COL5A3: variants seen among roughly 807,000 people sequenced by gnomAD.
COL5A3 encodes the protein collagen alpha-3(V) chain.
COL5A3 carries 172 observed loss-of-function variants against 250.0 expected under a neutral mutation model. That is an observed-to-expected ratio of 0.69 (90% CI 0.61 to 0.78). The LOEUF (loss-of-function observed/expected upper bound fraction) is 0.78. Among genes scored for constraint, COL5A3 ranks in the 30% least tolerant of loss-of-function variants. COL5A3 has a pLI of 0.00. For synonymous variants in COL5A3, 937 were observed against 900.4 expected, an observed-to-expected ratio of 1.04 and a Z score of -0.73; for missense variants, 2,340 against 2,334.4, an observed-to-expected ratio of 1.00 and a Z score of -0.05.
intron 8 of COL5A3, among the ~76,000 whole-genome samples, chr19:10,000,017 C>T (rs1278355202): frequency 6.6e-6 from 1 of 152,132 alleles, no homozygotes; most frequent in Non-Finnish European, 1.5e-5. Flanking sequence ...CTCAACCTAC[C>T]AAATTGCTGA....
At chr19:9,965,451 C>A (rs931704526) in intron 64 of COL5A3, among the ~76,000 whole-genome samples, 10 of 145,806 alleles carry the variant, frequency 6.9e-5, no homozygotes, top group Admixed American at 3.5e-4. Context: ...CCACCGCGCC[C>A]GGCCTTCTTT....
chr19:9,962,367 C>A (rs951038057), intron 65 of COL5A3, among the ~76,000 whole-genome samples: 1 of 152,178 alleles, frequency 6.6e-6, no homozygotes, highest in Non-Finnish European at 1.5e-5. Context: ...CTTGGCCTCC[C>A]AAAGTGCTGG....
intron 24 of COL5A3, among the ~76,000 whole-genome samples, chr19:9,990,057 GGCAGACACACTTCTGT>G (rs879904936): frequency 0.1 from 6,921 of 66,810 alleles, 191 homozygotes; most frequent in African/African-American, 0.19. Flanking sequence ...CGCCTTCCCT[GGCAGACACACTTCTGT>G]GTGATAATTT....
In COL5A3 at chr19:9,996,635, C is replaced by A; in HGVS notation, c.1318G>T (p.Gly440Cys). Residue 440 changes from glycine (G) to cysteine (C), a missense_variant, in exon 12 of 67, where the codon GGC becomes TGC. By Grantham distance (159) the Gly-to-Cys change is radical. Transcript: ENST00000264828. ...CTTACCGGCATCATGATCACAGTGC[C>A]CGGTGGGCCTCGGATCCCATCAATG... ...PGIDGIRGPP[G>C]TVIMMPFQFA... The A allele has an allele frequency of 6.2e-7, 1 of 1,613,486 alleles. No homozygotes were observed. The highest frequency in any genetic ancestry group is 8.5e-7 in the Non-Finnish European group (1 of 1,179,818).
intron 31 of COL5A3, among the ~76,000 whole-genome samples, chr19:9,983,930 T>G (rs1330972543): frequency 2.0e-5 from 3 of 150,282 alleles, no homozygotes; most frequent in Non-Finnish European, 4.4e-5. Flanking sequence ...AAAAAACCAC[T>G]GTCAAATCCA....
chr19:9,985,432 G>T (rs541719579), intron 31 of COL5A3, among the ~76,000 whole-genome samples: 1 of 149,404 alleles, frequency 6.7e-6, no homozygotes, highest in Non-Finnish European at 1.5e-5. Context: ...AGCTAATTTT[G>T]TATTTTTAGT....
At position 9,974,220 on chromosome 19, in the gene COL5A3, A is replaced by T. The variant is rs371248929; in HGVS notation, c.3455T>A (p.Leu1152Gln). 2 of 1,613,774 alleles carry T rather than the reference A, an allele frequency of 1.2e-6. No homozygotes were observed. Among genetic ancestry groups the T allele is most frequent in the East Asian group, 2.2e-5 (1 of 44,888 alleles). The change falls in exon 47 of 67, where the codon CTG (leucine) becomes CAG (glutamine). Residue 1152 changes from leucine to glutamine, a missense_variant. By Grantham distance (113) the Leu-to-Gln change is moderately radical (BLOSUM62 -2). Transcript: ENST00000264828. ...GVIGPPGLQGLPGPPGEKGEV... is the reference protein window; with the variant it reads ...GVIGPPGLQGQPGPPGEKGEV... ...CCCTTTCTCTCCCGGAGGGCCTGGC[A>T]GCCCCTGTGGAACAAAGAAGCAAGA...
intron 41 of COL5A3, among the ~76,000 whole-genome samples, chr19:9,978,125 T>C (rs1309331205): frequency 1.3e-5 from 2 of 151,684 alleles, no homozygotes; most frequent in Non-Finnish European, 2.9e-5. Flanking sequence ...GGGGTTTTTA[T>C]ATGTTGATGG....
intron 64 of COL5A3, among the ~76,000 whole-genome samples, chr19:9,964,170 C>T (rs2086707745): frequency 6.6e-6 from 1 of 151,846 alleles, no homozygotes; most frequent in Non-Finnish European, 1.5e-5. Context: ...GAGACTATGT[C>T]TCAAAAGAAC....
intron 65 of COL5A3, among the ~76,000 whole-genome samples, chr19:9,961,338 T>TTTTTTTTTACTTTATTTAA (rs1568399900): frequency 6.7e-6 from 1 of 148,496 alleles, no homozygotes; most frequent in Non-Finnish European, 1.5e-5. Flanking sequence ...GAAGGAGGGA[T>TTTTTTTTTACTTTATTTAA]TTTTTTTTAC....
intron 24 of COL5A3, among the ~76,000 whole-genome samples, chr19:9,990,253 G>A (rs906329737): frequency 4.6e-5 from 7 of 151,620 alleles, no homozygotes; most frequent in Admixed American, 2.0e-4. Flanking sequence ...AATTAGCTGG[G>A]CGTAGTGGTG....
At chr19:9,993,568 T>G in intron 18 of COL5A3, 51 bp downstream of exon 18, 2 of 1,601,564 alleles carry the variant, frequency 1.2e-6, no homozygotes, top group Non-Finnish European at 1.7e-6. Flanking sequence ...TGGGGGGGCT[T>G]GAATATTGGG....
At chr19:9,971,151 A>C in intron 52 of COL5A3, 54 bp downstream of exon 52, 1 of 1,440,084 alleles carries the variant, frequency 6.9e-7, no homozygotes. Flanking sequence ...GGGGGTAGGG[A>C]GATGGGGACA....
At chr19:9,970,917 T>A in intron 53 of COL5A3, 58 bp downstream of exon 53, 3 of 1,189,728 alleles carry the variant, frequency 2.5e-6, no homozygotes, top group Non-Finnish European at 3.5e-6. Flanking sequence ...CCCAATTCAC[T>A]CACTCATTAG....
chr19:9,968,466 A>T lies in COL5A3; in HGVS notation c.4233T>A (p.Ile1411=). 1.2e-5 allele frequency: 19 copies of T among 1,587,718 alleles called. No individual in the cohort carries two copies. The highest frequency in any genetic ancestry group is 1.5e-5 in the Non-Finnish European group (18 of 1,173,292). Residue 1411 remains isoleucine, a synonymous_variant, in exon 59 of 67, where the codon ATT becomes ATA. Transcript: ENST00000264828. This position sits in a 1 kb window ranked among gnomAD's most constrained non-coding sequence, Gnocchi z 4.1. ...EKGHIGLIGL[I]GPPGEAGEKG... ...TCTCACCAGCTTCTCCCGGGGGGCCAATGAGACCGATCAATCCAATGTGGC... is the reference window on the plus strand; with the variant it reads ...TCTCACCAGCTTCTCCCGGGGGGCCTATGAGACCGATCAATCCAATGTGGC...
chr19:9,978,925 C>A lies in COL5A3; in HGVS notation c.2930G>T (p.Gly977Val). ...AGGGCCCCCTTTGGGGCCGGGAAAG[C>A]CCCTGAGTCCAGCTGGCCCTTCTTT... ...LGKEGPAGLR[G>V]FPGPKGGPGD... The change falls in exon 40 of 67, where the codon GGC (glycine) becomes GTC (valine). Residue 977 changes from glycine (G) to valine (V), a missense_variant. Gly to Val is a moderately radical substitution (Grantham distance 109, BLOSUM62 -3). Around this residue, in one of 3 missense-constraint regions of COL5A3, gnomAD observed 1,179 missense variants for 1,162.6 expected, o/e 1.01. Transcript: ENST00000264828. 2 of 1,515,242 alleles carry A rather than the reference C, an allele frequency of 1.3e-6. No individual in the cohort carries two copies. Among genetic ancestry groups the A allele is most frequent in the Non-Finnish European group, 1.8e-6 (2 of 1,134,242 alleles). The allele number at this position is 1,515,242 out of a possible 1,614,324, so 93.9% of individuals were successfully genotyped here.
intron 26 of COL5A3, 57 bp downstream of exon 26, chr19:9,989,265 G>T (rs2087152758): frequency 6.2e-7 from 1 of 1,610,456 alleles, no homozygotes; most frequent in Non-Finnish European, 8.5e-7. Flanking sequence ...GCCCCTGACT[G>T]CAGGCCCTGC....
At chr19:9,976,667 C>T in intron 44 of COL5A3, 56 bp from the exon 45 acceptor site, 2 of 1,390,916 alleles carry the variant, frequency 1.4e-6, no homozygotes, top group Non-Finnish European at 2.0e-6. Flanking sequence ...TTAGAGAGGG[C>T]ACTGGAGCTA....
At position 9,968,096 on chromosome 19, in the gene COL5A3, G is replaced by T; in HGVS notation, c.4315-17C>A. 6.3e-7 allele frequency: 1 copy of T among 1,585,506 alleles called. No homozygotes were observed. The highest frequency in any genetic ancestry group is 1.2e-5 in the South Asian group (1 of 86,054). On this transcript the variant is annotated splice_polypyrimidine_tract_variant and intron_variant, in intron 59 of 66. Coordinates refer to ENST00000264828, the MANE Select transcript of COL5A3 (RefSeq NM_015719.4). The surrounding 1 kb of genome is among the most constrained non-coding windows in gnomAD (Gnocchi z 4.1). ...AGGGGGACCCTAGGAAAAGGACATCGGGTCAGTATTGGTGGGGTACACCCT... is the reference window on the plus strand; with the variant it reads ...AGGGGGACCCTAGGAAAAGGACATCTGGTCAGTATTGGTGGGGTACACCCT...
Sources: allele counts gnomAD v4.1 joint callset (sites outside exome capture counted in the v4.1 genomes callset), GRCh38; gene constraint gnomAD v4.1.1; regional missense constraint gnomAD v4.1.1; non-coding constraint Gnocchi (gnomAD v3.1); transcripts MANE v1.5; gene names NCBI Gene and HGNC (gene_info 2026-07-23, HGNC 2026-07-21).